The following OSBPL1A variants were observed in gnomAD, a reference collection of about 807,000 sequenced individuals.
OSBPL1A encodes oxysterol-binding protein-related protein 1.
A neutral mutation model predicts 137.1 loss-of-function variants in OSBPL1A; 80 were observed. The observed-to-expected ratio is 0.58, with a 90% CI of 0.49 to 0.70. The LOEUF (loss-of-function observed/expected upper bound fraction) is 0.70. OSBPL1A is among the 30% of genes least tolerant of loss of function. OSBPL1A has a pLI of 0.00. For synonymous variants in OSBPL1A, 365 were observed against 389.7 expected (o/e 0.94, Z 0.75); for missense variants, 970 against 1,129.4 (o/e 0.86, Z 2.02).
rs138900755 is a variant in OSBPL1A, at chr18:24,304,996, G to T, written c.1093-1278C>A. On this transcript the variant is annotated intron_variant, in intron 13 of 27. Transcript: ENST00000319481. ...ACAGCCTGTGAATACAGGTTGAGGGGCAGGGAAAAAGTTTATCTAGAGGCA... is the reference window on the plus strand; with the variant it reads ...ACAGCCTGTGAATACAGGTTGAGGGTCAGGGAAAAAGTTTATCTAGAGGCA... Among the ~76,000 whole-genome samples, 1,315 of 152,240 alleles carry T rather than the reference G, an allele frequency of 8.6e-3. 22 individuals carry two copies. The highest frequency in any genetic ancestry group is 0.029 in the African/African-American group (1,201 of 41,534).
At chr18:24,214,240 G>T (rs773621132) in intron 17 of OSBPL1A, among the ~76,000 whole-genome samples, 1 of 150,184 alleles carries the variant, frequency 6.7e-6, no homozygotes, top group African/African-American at 2.5e-5. Flanking sequence ...CGGTCGTTAG[G>T]ACCTAAAGGA....
chr18:24,272,214 C>G, intron 15 of OSBPL1A: 3 of 983,682 alleles, frequency 3.0e-6, no homozygotes, highest in Non-Finnish European at 2.4e-6. Context: ...CGGCCCTCTC[C>G]TGGAGACACC....
chr18:24,314,097 T>G (rs577235849), intron 12 of OSBPL1A, 152 bp downstream of exon 12: 16 of 492,056 alleles, frequency 3.3e-5, no homozygotes, highest in Non-Finnish European at 5.1e-5. Flanking sequence ...AGAGTGAGAC[T>G]CTGTCTCAAA....
In OSBPL1A at chr18:24,167,179, G is replaced by A. The variant is rs539562117; in HGVS notation, c.2535+150C>T. The stretch of plus-strand genomic sequence containing the variant: ...TGCACTTACGACGCGCTGAGCTCAG[G>A]CAAGAAGGGAGCACCCGGGAGCCAG... On this transcript the variant is annotated intron_variant, in intron 25 of 27. Coordinates refer to ENST00000319481, the MANE Select transcript of OSBPL1A (RefSeq NM_080597.4). 88 of 686,730 alleles carry A rather than the reference G, an allele frequency of 1.3e-4. No homozygotes were observed. The African/African-American group carries it at 1.4e-3, about 11-fold the overall frequency. 42.5% of individuals were successfully genotyped at this position (686,730 alleles called of 1,614,324 possible). A position where few individuals can be genotyped will look rare whatever the true frequency, so the allele number is the denominator to read the frequency against.
chr18:24,256,964 CAAAAAAAAAAAAAAAA>C, intron 15 of OSBPL1A, among the ~76,000 whole-genome samples: 1 of 29,514 alleles, frequency 3.4e-5, no homozygotes, highest in Non-Finnish European at 6.8e-5. Context: ...GAAGAGGATG[CAAAAAAAAAAAAAAAA>C]AAAAAAAAAA....
chr18:24,255,937 G>A (rs2089260688), intron 15 of OSBPL1A, among the ~76,000 whole-genome samples: 1 of 152,024 alleles, frequency 6.6e-6, no homozygotes, highest in African/African-American at 2.4e-5. Context: ...TGGGATTACA[G>A]GCGTGCGCCA....
At chr18:24,257,448 C>T (rs1238003079) in intron 15 of OSBPL1A, among the ~76,000 whole-genome samples, 1 of 152,020 alleles carries the variant, frequency 6.6e-6, no homozygotes, top group Non-Finnish European at 1.5e-5. Context: ...GAAACTAGAC[C>T]CCTATCTCTT....
In OSBPL1A at chr18:24,297,859, T is replaced by G. The variant is rs539127916; in HGVS notation, c.1174+5778A>C. Among the ~76,000 whole-genome samples the G allele has an allele frequency of 2.6e-5, 4 of 152,306 alleles. No individual in the cohort carries two copies. The East Asian group carries it at 5.8e-4, about 22-fold the overall frequency. On this transcript the variant is annotated intron_variant, in intron 14 of 27. Coordinates refer to ENST00000319481, the MANE Select transcript of OSBPL1A (RefSeq NM_080597.4). ...CACGTGCTAATGAGAAGAATGTATA[T>G]TCTGCAGTTGTTGGGTAGAGTTGTC...
intron 4 of OSBPL1A, among the ~76,000 whole-genome samples, chr18:24,349,310 A>G (rs79506095): frequency 6.6e-6 from 1 of 151,822 alleles, no homozygotes; most frequent in Non-Finnish European, 1.5e-5. Context: ...GACAGACAAG[A>G]AAAAAAAAGT....
intron 1 of OSBPL1A, among the ~76,000 whole-genome samples, chr18:24,390,223 C>A (rs1039411659): frequency 1.3e-5 from 2 of 152,152 alleles, no homozygotes; most frequent in African/African-American, 4.8e-5. Flanking sequence ...AAAAATTAAA[C>A]ACATAATTAC....
intron 4 of OSBPL1A, chr18:24,358,649 T>A (rs112602936): frequency 3.1e-6 from 2 of 643,514 alleles, no homozygotes; most frequent in African/African-American, 3.6e-5. Context: ...TCCTAGGAAA[T>A]CCTAAAGCCC....
In OSBPL1A at chr18:24,237,141, GGTCT is replaced by G. The variant is rs529534484; in HGVS notation, c.1444+2075_1444+2078del. ...ACATATATATGTGATGCTCAAAAAA[GGTCT>G]GTAAGAGAGTATATCCGGCTGTTAA... On this transcript the variant is annotated intron_variant, in intron 16 of 27. Coordinates refer to ENST00000319481, the MANE Select transcript of OSBPL1A (RefSeq NM_080597.4). Among the ~76,000 whole-genome samples the G allele has an allele frequency of 4.6e-5, 7 of 152,120 alleles. No homozygotes were observed. The South Asian group carries it at 1.0e-3, about 23-fold the overall frequency.
chr18:24,309,864 T>C (rs1476275127), intron 13 of OSBPL1A, among the ~76,000 whole-genome samples: 1 of 151,894 alleles, frequency 6.6e-6, no homozygotes, highest in Non-Finnish European at 1.5e-5. Flanking sequence ...CTGGCCTACA[T>C]GGTGAAACCC....
chr18:24,206,141 T>G (rs567168306), intron 17 of OSBPL1A, among the ~76,000 whole-genome samples: 1 of 152,222 alleles, frequency 6.6e-6, no homozygotes, highest in East Asian at 1.9e-4. Flanking sequence ...TCCTCGCACC[T>G]TGGCCTCCCA....
chr18:24,185,104 T>C (rs556859951), intron 18 of OSBPL1A, among the ~76,000 whole-genome samples: 2 of 152,298 alleles, frequency 1.3e-5, no homozygotes, highest in South Asian at 4.1e-4. Context: ...ACATTCTGGA[T>C]AAGACGAAAC....
At chr18:24,212,593 A>G (rs186638136) in intron 17 of OSBPL1A, among the ~76,000 whole-genome samples, 25 of 152,318 alleles carry the variant, frequency 1.6e-4, no homozygotes, top group Admixed American at 7.2e-4. Context: ...CACAACTCAC[A>G]GAATCTCACC....
chr18:24,260,085 C>T (rs1378076134), intron 15 of OSBPL1A, among the ~76,000 whole-genome samples: 1 of 152,018 alleles, frequency 6.6e-6, no homozygotes, highest in Non-Finnish European at 1.5e-5. Flanking sequence ...ATGAGTTCAA[C>T]AGGTGAATGC....
intron 4 of OSBPL1A, among the ~76,000 whole-genome samples, chr18:24,360,068 A>G (rs973980072): frequency 6.6e-6 from 1 of 152,176 alleles, no homozygotes; most frequent in African/African-American, 2.4e-5. Context: ...CCCAGGTTCA[A>G]GTGATTCTCC....
intron 7 of OSBPL1A, among the ~76,000 whole-genome samples, chr18:24,321,300 A>G (rs2090850682): frequency 6.6e-6 from 1 of 152,106 alleles, no homozygotes; most frequent in South Asian, 2.1e-4. Context: ...ATTTTTTACT[A>G]ATATACTGGA....
Sources: allele counts gnomAD v4.1 joint callset (sites outside exome capture counted in the v4.1 genomes callset), GRCh38; gene constraint gnomAD v4.1.1; transcripts MANE v1.5; gene names NCBI Gene and HGNC (gene_info 2026-07-23, HGNC 2026-07-21).